Variants in MED13L observed in about 807,000 individuals in gnomAD.
The protein encoded by MED13L is mediator of RNA polymerase II transcription subunit 13-like.
A neutral mutation model predicts 220.9 loss-of-function variants in MED13L; 7 were observed. The observed-to-expected ratio is 0.03, with a 90% CI of 0.02 to 0.06. The LOEUF is 0.06. MED13L is among the 10% of genes least tolerant of loss of function. The pLI, the probability that MED13L is intolerant of heterozygous loss-of-function variation, is 1.00. For synonymous variants in MED13L, 1,011 were observed against 1,015.2 expected, an observed-to-expected ratio of 1.00 and a Z score of 0.08; for missense variants, 1,965 against 2,760.5, an observed-to-expected ratio of 0.71 and a Z score of 6.46.
chr12:116,145,697 A>ATTTGTTTGTTTG (rs1555216007), intron 2 of MED13L, among the ~76,000 whole-genome samples: 13 of 146,868 alleles, frequency 8.9e-5, no homozygotes, highest in African/African-American at 3.1e-4. Context: ...TTATTTATTT[A>ATTTGTTTGTTTG]TTTATTTTAA....
chr12:116,041,417 T>C (rs1402193795), intron 4 of MED13L, among the ~76,000 whole-genome samples: 1 of 152,198 alleles, frequency 6.6e-6, no homozygotes, highest in Non-Finnish European at 1.5e-5. Context: ...GGTAGTTCTT[T>C]ATAGCAGTGC....
At chr12:116,164,124 C>G (rs1312470644) in intron 2 of MED13L, among the ~76,000 whole-genome samples, 1 of 152,184 alleles carries the variant, frequency 6.6e-6, no homozygotes, top group Admixed American at 6.5e-5. Flanking sequence ...TGACTGGGTT[C>G]AATGCTTGCT....
chr12:116,130,976 C>T (rs1876019478), intron 2 of MED13L, among the ~76,000 whole-genome samples: 2 of 152,012 alleles, frequency 1.3e-5, no homozygotes, highest in Admixed American at 1.3e-4. Context: ...AAGCTTTGAA[C>T]AATGTATGTT....
chr12:116,160,818 T>C (rs1035409756), intron 2 of MED13L, among the ~76,000 whole-genome samples: 1 of 151,336 alleles, frequency 6.6e-6, no homozygotes, highest in Admixed American at 6.6e-5. Context: ...TCCTCCTGCC[T>C]CAGCCTCCCA....
intron 12 of MED13L, 21 bp from the exon 13 acceptor site, chr12:116,006,014 GAC>G: frequency 6.2e-7 from 1 of 1,612,940 alleles, no homozygotes; most frequent in South Asian, 1.1e-5. Context: ...GGAGGCAAAA[GAC>G]ACAGAATAAA....
At chr12:116,246,254 C>T (rs1257469384) in intron 1 of MED13L, among the ~76,000 whole-genome samples, 1 of 146,934 alleles carries the variant, frequency 6.8e-6, no homozygotes, top group African/African-American at 2.5e-5. Context: ...TGGGTGTGTA[C>T]TTACCAAAAG....
At chr12:116,264,632 T>C (rs1265739732) in intron 1 of MED13L, among the ~76,000 whole-genome samples, 3 of 152,348 alleles carry the variant, frequency 2.0e-5, no homozygotes, top group South Asian at 2.1e-4. Flanking sequence ...TCATCTTTTC[T>C]AGCACTAACA....
chr12:116,107,628 T>C (rs929257786), intron 3 of MED13L, among the ~76,000 whole-genome samples: 1 of 152,206 alleles, frequency 6.6e-6, no homozygotes, highest in Non-Finnish European at 1.5e-5. Context: ...AGATTCTCAA[T>C]GTAGTAAATG....
intron 14 of MED13L, among the ~76,000 whole-genome samples, chr12:115,997,582 C>T (rs985325726): frequency 1.3e-5 from 2 of 152,128 alleles, no homozygotes; most frequent in African/African-American, 4.8e-5. Flanking sequence ...CCACCATGCC[C>T]AGCTAATTTT....
chr12:116,019,108 C>G, intron 7 of MED13L, 116 bp downstream of exon 7: 1 of 1,000,386 alleles, frequency 1.0e-6, no homozygotes, highest in Non-Finnish European at 1.5e-6. Context: ...TTACGTTACT[C>G]TACTACCTCC....
chr12:116,013,938 A>C (rs1879573090), intron 8 of MED13L, among the ~76,000 whole-genome samples: 2 of 152,240 alleles, frequency 1.3e-5, no homozygotes, highest in South Asian at 4.1e-4. Flanking sequence ...ATTAAAAATC[A>C]AACATGATAA....
intron 3 of MED13L, among the ~76,000 whole-genome samples, chr12:116,105,592 T>G (rs1873498129): frequency 6.6e-6 from 1 of 152,244 alleles, no homozygotes; most frequent in South Asian, 2.1e-4. Flanking sequence ...CCAATAAGAC[T>G]CAAAGTTTTA....
intron 2 of MED13L, among the ~76,000 whole-genome samples, chr12:116,151,621 A>G (rs1878047473): frequency 6.6e-6 from 1 of 152,252 alleles, no homozygotes; most frequent in African/African-American, 2.4e-5. Flanking sequence ...TAAAGGCAGG[A>G]ATAAATCTAC....
chr12:116,145,659 C>CTATTTATTTATTTATT (rs558385895), intron 2 of MED13L, among the ~76,000 whole-genome samples: 14 of 123,610 alleles, frequency 1.1e-4, no homozygotes, highest in East Asian at 5.9e-4. Context: ...ACACTCAACT[C>CTATTTATTTATTTATT]TATTTATTTA....
chr12:116,250,434 T>C (rs1330506771), intron 1 of MED13L, among the ~76,000 whole-genome samples: 2 of 151,766 alleles, frequency 1.3e-5, no homozygotes, highest in African/African-American at 2.4e-5. Context: ...GAAGAACAAT[T>C]ACCAGGAATA....
intron 26 of MED13L, among the ~76,000 whole-genome samples, chr12:115,971,094 A>T (rs954158033): frequency 1.1e-4 from 17 of 152,250 alleles, no homozygotes; most frequent in African/African-American, 4.1e-4. Context: ...CACAATTTAT[A>T]AAGTACTGTT....
chr12:115,992,554 T>C (rs1878134740), intron 16 of MED13L, among the ~76,000 whole-genome samples: 1 of 152,246 alleles, frequency 6.6e-6, no homozygotes, highest in South Asian at 2.1e-4. Context: ...ATTTTTATAG[T>C]AATGAGTGAC....
chr12:116,111,600 A>G (rs886331214), intron 2 of MED13L, 88 bp from the exon 3 acceptor site: 66 of 956,364 alleles, frequency 6.9e-5, no homozygotes, highest in Non-Finnish European at 9.6e-5. Flanking sequence ...TTTCTAAAGC[A>G]AAGTTCATGA....
At chr12:116,186,065 T>C (rs1880881524) in intron 2 of MED13L, among the ~76,000 whole-genome samples, 1 of 152,222 alleles carries the variant, frequency 6.6e-6, no homozygotes, top group Admixed American at 6.5e-5. Flanking sequence ...CGCTACCTCT[T>C]CGTTTCTGCA....
Sources: allele counts gnomAD v4.1 joint callset (sites outside exome capture counted in the v4.1 genomes callset), GRCh38; gene constraint gnomAD v4.1.1; transcripts MANE v1.5; gene names NCBI Gene and HGNC (gene_info 2026-07-23, HGNC 2026-07-21).